The following RPN1 variants were observed in gnomAD, a reference collection of about 807,000 sequenced individuals.
The protein encoded by RPN1 is ribophorin I.
Under a neutral mutation model 55.5 loss-of-function variants are expected in RPN1, and 12 were observed. That is an observed-to-expected ratio of 0.22 (90% CI 0.14 to 0.35). The LOEUF is 0.35. RPN1 is among the 10% of genes least tolerant of loss of function. RPN1 has a pLI of 1.00. For missense variants in RPN1, 679 were observed against 761.3 expected (o/e 0.89, Z 1.27); for synonymous variants, 317 against 305.9 (o/e 1.04, Z -0.38).
intron 3 of RPN1, among the ~76,000 whole-genome samples, chr3:128,636,890 G>A (rs2069685590): frequency 6.6e-6 from 1 of 152,188 alleles, no homozygotes; most frequent in African/African-American, 2.4e-5. Flanking sequence ...ATTTTTTAGA[G>A]ATGGTATAGA....
chr3:128,637,467 A>G (rs2069689256), intron 3 of RPN1, among the ~76,000 whole-genome samples: 1 of 151,830 alleles, frequency 6.6e-6, no homozygotes, highest in East Asian at 1.9e-4. Flanking sequence ...GCCCTCAACC[A>G]CTCCAACAGC....
chr3:128,635,729 AAAAC>A (rs1368724459), intron 3 of RPN1, among the ~76,000 whole-genome samples: 93 of 148,742 alleles, frequency 6.3e-4, no homozygotes, highest in South Asian at 1.5e-3. Flanking sequence ...GTATATATAA[AAAAC>A]AAAATGGTAC....
intron 2 of RPN1, among the ~76,000 whole-genome samples, chr3:128,639,833 C>T (rs1235498739): frequency 1.3e-5 from 2 of 152,070 alleles, no homozygotes; most frequent in African/African-American, 2.4e-5. Context: ...GTGATACACC[C>T]GCCTCGGGCT....
At chr3:128,637,173 G>A (rs575902214) in intron 3 of RPN1, among the ~76,000 whole-genome samples, 138 of 152,148 alleles carry the variant, frequency 9.1e-4, no homozygotes, top group South Asian at 4.8e-3. Flanking sequence ...AGGAGTTTGA[G>A]GTTACAGTGA....
At chr3:128,629,287 A>G (rs2069624942) in intron 5 of RPN1, among the ~76,000 whole-genome samples, 1 of 152,174 alleles carries the variant, frequency 6.6e-6, no homozygotes, top group Non-Finnish European at 1.5e-5. Flanking sequence ...TTGGCCGGGC[A>G]TGGTGGCTGT....
chr3:128,623,458 A>C (rs1378839207), intron 8 of RPN1, among the ~76,000 whole-genome samples: 1 of 152,176 alleles, frequency 6.6e-6, no homozygotes, highest in Non-Finnish European at 1.5e-5. Context: ...GGATCTCTTT[A>C]GCCCAGGAGG....
intron 7 of RPN1, 48 bp from the exon 8 acceptor site, chr3:128,625,701 G>A: frequency 3.1e-6 from 5 of 1,611,860 alleles, no homozygotes; most frequent in Non-Finnish European, 4.2e-6. Context: ...AGGGACATGG[G>A]AGCCTAGACT....
chr3:128,630,202 C>T (rs1321613851), intron 4 of RPN1, 59 bp from the exon 5 acceptor site: 5 of 1,199,298 alleles, frequency 4.2e-6, no homozygotes, highest in East Asian at 2.4e-5. Flanking sequence ...AGGAAATGAT[C>T]CTAAACACAG....
At chr3:128,639,998 C>CCTGTCT (rs1260670096) in intron 2 of RPN1, among the ~76,000 whole-genome samples, 3 of 151,844 alleles carry the variant, frequency 2.0e-5, no homozygotes, top group African/African-American at 7.3e-5. Flanking sequence ...AAGGTGAAAC[C>CCTGTCT]CTGTCTCTAC....
chr3:128,634,609 T>C (rs992491110), intron 3 of RPN1, among the ~76,000 whole-genome samples: 3 of 149,770 alleles, frequency 2.0e-5, no homozygotes, highest in African/African-American at 4.9e-5. Context: ...GTCGCCCAGA[T>C]TGGAGTGCAA....
intron 1 of RPN1, among the ~76,000 whole-genome samples, chr3:128,646,026 C>T (rs764990778): frequency 6.6e-6 from 1 of 151,708 alleles, no homozygotes; most frequent in Non-Finnish European, 1.5e-5. Context: ...GGGCGGATCA[C>T]GAGGTCAGGA....
chr3:128,637,357 C>T (rs2069688537), intron 3 of RPN1, among the ~76,000 whole-genome samples: 2 of 152,248 alleles, frequency 1.3e-5, no homozygotes, highest in South Asian at 4.1e-4. Context: ...AGTCTTTGTA[C>T]TTTGGCATGT....
At chr3:128,625,193 G>A (rs2069589870) in intron 8 of RPN1, among the ~76,000 whole-genome samples, 1 of 152,068 alleles carries the variant, frequency 6.6e-6, no homozygotes, top group African/African-American at 2.4e-5. Flanking sequence ...AGGTGGGGAG[G>A]GAGAGGGGAC....
chr3:128,644,522 T>C, intron 2 of RPN1: 2 of 399,484 alleles, frequency 5.0e-6, no homozygotes, highest in Non-Finnish European at 9.6e-6. Context: ...TAGCCAAGTG[T>C]GGTGGTACAT....
intron 8 of RPN1, among the ~76,000 whole-genome samples, chr3:128,625,287 C>G (rs1236585637): frequency 6.6e-6 from 1 of 152,106 alleles, no homozygotes; most frequent in Non-Finnish European, 1.5e-5. Flanking sequence ...CATGTTTTTC[C>G]TACCTCAACT....
chr3:128,622,459 C>T (rs1484018768), intron 8 of RPN1, 50 bp from the exon 9 acceptor site: 12 of 1,604,942 alleles, frequency 7.5e-6, no homozygotes, highest in Non-Finnish European at 1.0e-5. Context: ...CTTGGGTCCA[C>T]TCTGACCTTA....
chr3:128,644,784 C>A, intron 2 of RPN1, 135 bp downstream of exon 2: 1 of 654,306 alleles, frequency 1.5e-6, no homozygotes, highest in Non-Finnish European at 2.8e-6. Flanking sequence ...CATAGCTAGA[C>A]CTCCTCTCTA....
At chr3:128,623,682 C>G (rs2069577027) in intron 8 of RPN1, among the ~76,000 whole-genome samples, 2 of 152,064 alleles carry the variant, frequency 1.3e-5, no homozygotes, top group African/African-American at 4.8e-5. Flanking sequence ...GGACAGTCAG[C>G]AAAATTATGG....
chr3:128,631,780 G>C (rs1371822099), intron 4 of RPN1, among the ~76,000 whole-genome samples, 168 bp downstream of exon 4: 1 of 152,040 alleles, frequency 6.6e-6, no homozygotes, highest in African/African-American at 2.4e-5. Flanking sequence ...TATATATGGG[G>C]GGGTATTTTT....
Sources: gnomAD v4.1 joint callset for allele counts (sites outside exome capture counted in the v4.1 genomes callset) on GRCh38, gnomAD v4.1.1 for gene constraint, MANE v1.5 for transcripts, NCBI Gene and HGNC (gene_info 2026-07-23, HGNC 2026-07-21) for gene names.